ESR1: variants seen among roughly 807,000 people sequenced by gnomAD.
ESR1 encodes estrogen receptor.
In ESR1, 12 loss-of-function variants were observed where a neutral mutation model predicts 52.7. That is an observed-to-expected ratio of 0.23 (90% CI 0.15 to 0.37). The LOEUF (loss-of-function observed/expected upper bound fraction) is 0.37. ESR1 is among the 10% of genes least tolerant of loss of function. The pLI is 1.00. For missense variants in ESR1, 584 were observed against 779.7 expected (o/e 0.75, Z 2.99); for synonymous variants, 305 against 316.8 (o/e 0.96, Z 0.39).
intron 2 of ESR1, among the ~76,000 whole-genome samples, chr6:151,863,276 CGTGGAAT>C (rs1562489289): frequency 6.6e-6 from 1 of 152,104 alleles, no homozygotes; most frequent in African/African-American, 2.4e-5. Flanking sequence ...TATCCATGAG[CGTGGAAT>C]GTTCTTCCAT....
intron 6 of ESR1, chr6:152,122,214 C>A (rs1302629019): frequency 1.0e-5 from 7 of 681,842 alleles, no homozygotes; most frequent in African/African-American, 1.8e-5. Flanking sequence ...AGTCTCAAAC[C>A]AGATTTCTTC....
At chr6:151,658,362 C>G (rs1161993044) in intron 1 of ESR1, among the ~76,000 whole-genome samples, 1 of 152,162 alleles carries the variant, frequency 6.6e-6, no homozygotes, top group Non-Finnish European at 1.5e-5. Context: ...AATCCTTTTC[C>G]CCTCTGGTAT....
chr6:151,671,910 C>G (rs575994787), intron 1 of ESR1, among the ~76,000 whole-genome samples: 1 of 152,040 alleles, frequency 6.6e-6, no homozygotes, highest in African/African-American at 2.4e-5. Context: ...GGGAATTGCT[C>G]GAACCCAGGA....
Position 151,908,066 on chromosome 6 carries a change from A to C in ESR1, c.760+27295A>C, listed in dbSNP as rs73780901. ...ACAATGGTTAGCCCTGGGTAAGGGGATTATGTATGACTTTTATTTCCTTCT... is the reference window on the plus strand; with the variant it reads ...ACAATGGTTAGCCCTGGGTAAGGGGCTTATGTATGACTTTTATTTCCTTCT... On this transcript the variant is annotated intron_variant, in intron 3 of 7. Coordinates refer to ENST00000206249, the MANE Select transcript of ESR1 (RefSeq NM_000125.4). 5.2e-3 allele frequency among the ~76,000 whole-genome samples: 786 copies of C among 152,252 alleles called. 5 individuals carry two copies. The highest frequency in any genetic ancestry group is 0.017 in the African/African-American group (715 of 41,566).
intron 2 of ESR1, among the ~76,000 whole-genome samples, chr6:151,861,728 T>C (rs1467580841): frequency 6.6e-6 from 1 of 152,286 alleles, no homozygotes; most frequent in East Asian, 1.9e-4. Flanking sequence ...TTTGAATGTA[T>C]TTTGTTCAGA....
intron 6 of ESR1, among the ~76,000 whole-genome samples, chr6:152,115,469 G>GATAGATT (rs1307212744): frequency 6.6e-6 from 1 of 152,064 alleles, no homozygotes; most frequent in Non-Finnish European, 1.5e-5. Flanking sequence ...AATAATTCCA[G>GATAGATT]ATAGATTATA....
At chr6:151,759,875 G>A (rs866781397) in intron 2 of ESR1, among the ~76,000 whole-genome samples, 1 of 152,178 alleles carries the variant, frequency 6.6e-6, no homozygotes, top group Non-Finnish European at 1.5e-5. Flanking sequence ...TTAGGTTGGT[G>A]CAAAAGTAAC....
chr6:152,076,760 C>T (rs1341904562), intron 6 of ESR1, among the ~76,000 whole-genome samples: 1 of 146,258 alleles, frequency 6.8e-6, no homozygotes, highest in Non-Finnish European at 1.5e-5. Flanking sequence ...TTTACCCCTG[C>T]TGTAGAGATT....
At chr6:151,872,041 A>T (rs866567055) in intron 2 of ESR1, among the ~76,000 whole-genome samples, 1 of 152,180 alleles carries the variant, frequency 6.6e-6, no homozygotes, top group Non-Finnish European at 1.5e-5. Context: ...TGCTATGAAC[A>T]TGGGTATAAA....
At chr6:151,745,156 C>A (rs895827129) in intron 2 of ESR1, among the ~76,000 whole-genome samples, 3 of 152,128 alleles carry the variant, frequency 2.0e-5, no homozygotes, top group Non-Finnish European at 4.4e-5. Flanking sequence ...TAAAATAGTT[C>A]AAATATTCAA....
At chr6:151,706,477 A>G (rs1780192826) in intron 2 of ESR1, among the ~76,000 whole-genome samples, 1 of 152,158 alleles carries the variant, frequency 6.6e-6, no homozygotes, top group Admixed American at 6.5e-5. Context: ...GCACAAGGCC[A>G]TCCCAGGGCG....
intron 6 of ESR1, among the ~76,000 whole-genome samples, chr6:152,081,966 A>G (rs2049262698): frequency 6.6e-6 from 1 of 152,160 alleles, no homozygotes; most frequent in Non-Finnish European, 1.5e-5. Flanking sequence ...CAGGTACTGA[A>G]CCAAGGTTTG....
chr6:151,755,291 C>T (rs1294593459), intron 2 of ESR1, among the ~76,000 whole-genome samples: 5 of 151,936 alleles, frequency 3.3e-5, no homozygotes, highest in African/African-American at 4.8e-5. Flanking sequence ...CCAAATCTCC[C>T]CTTTAAACCT....
intron 4 of ESR1, among the ~76,000 whole-genome samples, chr6:151,979,861 G>C (rs796453347): frequency 1.1e-4 from 16 of 152,138 alleles, no homozygotes; most frequent in African/African-American, 3.9e-4. Context: ...AGCTTTTACT[G>C]CTGTAATCTC....
chr6:151,953,674 T>A (rs554483939), intron 4 of ESR1, among the ~76,000 whole-genome samples: 1 of 151,418 alleles, frequency 6.6e-6, no homozygotes, highest in African/African-American at 2.4e-5. Flanking sequence ...TGAGTCGAGA[T>A]TGCGCCACTG....
upstream of ESR1, among the ~76,000 whole-genome samples, chr6:151,799,609 T>C (rs138646549): frequency 1.3e-5 from 2 of 152,192 alleles, no homozygotes; most frequent in Non-Finnish European, 2.9e-5. Flanking sequence ...AGTCCTTGTG[T>C]GCCCTTTTTG....
intron 1 of ESR1, among the ~76,000 whole-genome samples, chr6:151,834,790 G>A (rs1783032705): frequency 6.6e-6 from 1 of 152,152 alleles, no homozygotes; most frequent in East Asian, 1.9e-4. Flanking sequence ...GCAGGGAGAA[G>A]GCGCTGAGAC....
intron 2 of ESR1, among the ~76,000 whole-genome samples, chr6:151,718,031 A>G (rs1328012195): frequency 6.6e-6 from 1 of 152,218 alleles, no homozygotes; most frequent in Non-Finnish European, 1.5e-5. Context: ...TCACCTAACC[A>G]GCCTCTGGTA....
intron 3 of ESR1, among the ~76,000 whole-genome samples, chr6:151,898,054 T>G (rs975335467): frequency 1.3e-5 from 2 of 152,220 alleles, no homozygotes; most frequent in Non-Finnish European, 2.9e-5. Flanking sequence ...GGGTTTCTGC[T>G]GAGAAATCTG....
Sources: gnomAD v4.1 joint callset for allele counts (sites outside exome capture counted in the v4.1 genomes callset) on GRCh38, gnomAD v4.1.1 for gene constraint, MANE v1.5 for transcripts, NCBI Gene and HGNC (gene_info 2026-07-23, HGNC 2026-07-21) for gene names.